CACNA2D1: variants seen among roughly 807,000 people sequenced by gnomAD.
CACNA2D1 encodes calcium voltage-gated channel auxiliary subunit alpha2delta 1.
CACNA2D1 carries 53 observed loss-of-function variants against 171.5 expected under a neutral mutation model. The observed-to-expected ratio is 0.31, with a 90% confidence interval of 0.25 to 0.39. The LOEUF is 0.39. CACNA2D1 is among the 10% of genes least tolerant of loss of function. CACNA2D1 has a pLI of 1.00. For missense variants in CACNA2D1, 903 were observed against 1,299.8 expected (o/e 0.69, Z 4.69); for synonymous variants, 442 against 443.1 (o/e 1.00, Z 0.03).
Position 82,014,439 on chromosome 7 carries a change from T to C in CACNA2D1, c.1184A>G (p.Asp395Gly). Reference protein sequence around the residue: ...FTFSVGQHNYDRGPIQWMACE... With the variant: ...FTFSVGQHNYGRGPIQWMACE... ...GGCCATCCACTGAATAGGTCCTCTGTCATAATTGTGTTGACCAACTGAAAA... is the reference window on the plus strand; with the variant it reads ...GGCCATCCACTGAATAGGTCCTCTGCCATAATTGTGTTGACCAACTGAAAA... The change falls in exon 13 of 39, where the codon GAC (aspartate) becomes GGC (glycine). Residue 395 changes from aspartate (D) to glycine (G), a missense_variant. Asp to Gly is a moderately conservative substitution (Grantham distance 94). This residue lies in a region of CACNA2D1 where 623 missense variants were observed against 925.5 expected (regional missense o/e 0.67). Coordinates refer to ENST00000356860, the MANE Select transcript of CACNA2D1 (RefSeq NM_000722.4). 3.1e-6 allele frequency: 5 copies of C among 1,601,078 alleles called. No individual in the cohort carries two copies. The South Asian group carries it at 3.3e-5, about 11-fold the overall frequency.
At position 82,075,219 on chromosome 7, in the gene CACNA2D1, T is replaced by TA. The variant is rs3086906; in HGVS notation, c.659-8696dup. On this transcript the variant is annotated intron_variant, in intron 7 of 38. Transcript: ENST00000356860. ...ACAGCTGAGGATAAATCACCATAAT[T>TA]AAAAAAAAAAAAACCCTTATTACAA... Among the ~76,000 whole-genome samples, 689 of 148,402 alleles carry TA rather than the reference T, an allele frequency of 4.6e-3. 6 individuals carry two copies. Among genetic ancestry groups the TA allele is most frequent in the African/African-American group, 0.015 (613 of 39,836 alleles).
At position 82,066,540 on chromosome 7, in the gene CACNA2D1, AAAGAG is replaced by A. The variant is rs1562992730; in HGVS notation, c.659-21_659-17del. 2 of 1,582,298 alleles carry A rather than the reference AAAGAG, an allele frequency of 1.3e-6. No homozygotes were observed. Among genetic ancestry groups the A allele is most frequent in the East Asian group, 4.5e-5 (2 of 44,460 alleles). On this transcript the variant is annotated splice_polypyrimidine_tract_variant and intron_variant, in intron 7 of 38. Transcript: ENST00000356860. ...CATGGTGAAGCTAAAAAAAAAAAAA[AAAGAG>A]AGATATTAAATCAAAATATTAGATA...
chr7:82,287,080 A>G (rs946996029), intron 3 of CACNA2D1, among the ~76,000 whole-genome samples: 3 of 152,148 alleles, frequency 2.0e-5, no homozygotes, highest in African/African-American at 7.2e-5. Context: ...CACTGTCTTC[A>G]CATTCTTTTT....
intron 19 of CACNA2D1, among the ~76,000 whole-genome samples, chr7:81,996,624 G>A (rs1032140345): frequency 1.3e-4 from 20 of 150,086 alleles, no homozygotes; most frequent in African/African-American, 4.7e-4. Context: ...GAGAATCCAT[G>A]ACTAACATAT....
intron 7 of CACNA2D1, among the ~76,000 whole-genome samples, chr7:82,075,175 T>C (rs979324451): frequency 6.6e-6 from 1 of 150,798 alleles, no homozygotes; most frequent in African/African-American, 2.4e-5. Flanking sequence ...CAGAAACCCA[T>C]ACACAGATAC....
intron 5 of CACNA2D1, among the ~76,000 whole-genome samples, chr7:82,128,362 G>A (rs777523461): frequency 1.3e-5 from 2 of 152,180 alleles, no homozygotes; most frequent in Admixed American, 1.3e-4. Context: ...AAACCTGGCT[G>A]TATTTATTTT....
intron 2 of CACNA2D1, among the ~76,000 whole-genome samples, chr7:82,345,718 T>G (rs1384069900): frequency 1.1e-5 from 1 of 91,738 alleles, no homozygotes; most frequent in Non-Finnish European, 2.3e-5. Context: ...GTGTGTGTGT[T>G]TAGAAATATA....
At chr7:82,423,093 T>A (rs1563531980) in intron 1 of CACNA2D1, among the ~76,000 whole-genome samples, 1 of 152,122 alleles carries the variant, frequency 6.6e-6, no homozygotes, top group African/African-American at 2.4e-5. Flanking sequence ...TGTGTTTCAA[T>A]ACAGGGAGAA....
chr7:82,088,092 T>C (rs1810699299), intron 6 of CACNA2D1, among the ~76,000 whole-genome samples: 1 of 152,274 alleles, frequency 6.6e-6, no homozygotes, highest in South Asian at 2.1e-4. Flanking sequence ...TTTTTTGTTT[T>C]GTTTTGTTTT....
At chr7:82,035,582 A>G (rs1292665346) in intron 11 of CACNA2D1, among the ~76,000 whole-genome samples, 1 of 152,160 alleles carries the variant, frequency 6.6e-6, no homozygotes, top group Non-Finnish European at 1.5e-5. Flanking sequence ...ATCATATTTT[A>G]TCAGCAACTA....
chr7:81,974,328 A>C, intron 25 of CACNA2D1, 127 bp downstream of exon 25: 1 of 569,278 alleles, frequency 1.8e-6, no homozygotes, highest in Non-Finnish European at 3.2e-6. Context: ...ACATTTTACT[A>C]TTAAAAAGTT....
At chr7:82,194,103 G>A (rs922932444) in intron 3 of CACNA2D1, among the ~76,000 whole-genome samples, 1 of 151,974 alleles carries the variant, frequency 6.6e-6, no homozygotes, top group Non-Finnish European at 1.5e-5. Context: ...CTTTATTAGA[G>A]TAAGATTTCA....
intron 2 of CACNA2D1, among the ~76,000 whole-genome samples, chr7:82,345,511 C>T (rs1819138570): frequency 6.6e-6 from 1 of 152,104 alleles, no homozygotes; most frequent in Non-Finnish European, 1.5e-5. Context: ...AAGAAGAAAG[C>T]TTCATAACAA....
At chr7:82,214,296 C>A (rs535538783) in intron 3 of CACNA2D1, among the ~76,000 whole-genome samples, 34 of 152,248 alleles carry the variant, frequency 2.2e-4, no homozygotes, top group Non-Finnish European at 4.4e-4. Flanking sequence ...TATTACAACC[C>A]TTCCTCAGTT....
At chr7:82,382,408 G>C (rs1823811215) in intron 1 of CACNA2D1, among the ~76,000 whole-genome samples, 1 of 152,206 alleles carries the variant, frequency 6.6e-6, no homozygotes, top group South Asian at 2.1e-4. Context: ...AGATTAGTTT[G>C]TGACTTGCTT....
chr7:82,289,531 A>G (rs1811261075), intron 3 of CACNA2D1, among the ~76,000 whole-genome samples: 1 of 152,230 alleles, frequency 6.6e-6, no homozygotes, highest in African/African-American at 2.4e-5. Flanking sequence ...TTAACCAACT[A>G]CATAATTAAT....
chr7:82,093,846 G>T (rs1811531694), intron 6 of CACNA2D1, among the ~76,000 whole-genome samples: 1 of 152,094 alleles, frequency 6.6e-6, no homozygotes, highest in Non-Finnish European at 1.5e-5. Context: ...TCCTGTTAAT[G>T]CTGAGAAGAA....
chr7:82,393,444 A>G (rs2129450933), intron 1 of CACNA2D1, among the ~76,000 whole-genome samples: 1 of 152,308 alleles, frequency 6.6e-6, no homozygotes, highest in East Asian at 1.9e-4. Flanking sequence ...TATAAACAAA[A>G]ATAAAAGCTA....
chr7:82,047,373 T>C, intron 10 of CACNA2D1, among the ~76,000 whole-genome samples: 1 of 152,200 alleles, frequency 6.6e-6, no homozygotes, highest in Non-Finnish European at 1.5e-5. Flanking sequence ...AATATTTTCA[T>C]GATACCTGAA....
Sources: gnomAD v4.1 joint callset for allele counts (sites outside exome capture counted in the v4.1 genomes callset) on GRCh38, gnomAD v4.1.1 for gene constraint, gnomAD v4.1.1 regional missense constraint, MANE v1.5 for transcripts, NCBI Gene and HGNC (gene_info 2026-07-23, HGNC 2026-07-21) for gene names.